ANO10: variants seen among roughly 807,000 people sequenced by gnomAD.
The protein encoded by ANO10 is anoctamin 10, also known as anoctamin-10.
ANO10 carries 77 observed loss-of-function variants against 74.7 expected under a neutral mutation model. That is an observed-to-expected ratio of 1.03 (90% confidence interval 0.86 to 1.25). ANO10 has a LOEUF of 1.25. ANO10 is among the 50% of genes most tolerant of loss of function. The pLI, the probability that ANO10 is intolerant of heterozygous loss-of-function variation, is 0.00. For missense variants in ANO10, 721 were observed against 778.1 expected (o/e 0.93, Z 0.87); for synonymous variants, 279 against 284.9 (o/e 0.98, Z 0.21).
rs140063593 is a variant in ANO10 at position 43,507,144 on chromosome 3, T to A, written c.1797+42576A>T. Among the ~76,000 whole-genome samples, 715 of 152,294 alleles carry A rather than the reference T, an allele frequency of 4.7e-3. 5 individuals are homozygous for A. The highest frequency in any genetic ancestry group is 0.017 in the African/African-American group (687 of 41,560). The stretch of plus-strand genomic sequence containing the variant: ...TTTGTTAGCAGGTTTGGTATCATTA[T>A]CTTTTTATCTACCCAAGAGTTGATA... On this transcript the variant is annotated intron_variant, in intron 11 of 12. Transcript: ENST00000292246.
chr3:43,638,042 A>G (rs1367716087), intron 1 of ANO10, among the ~76,000 whole-genome samples: 1 of 152,206 alleles, frequency 6.6e-6, no homozygotes, highest in Non-Finnish European at 1.5e-5. Flanking sequence ...AAATTGAGAT[A>G]CGTCGTTTAA....
At chr3:43,427,999 A>G (rs2092922923) in intron 12 of ANO10, among the ~76,000 whole-genome samples, 1 of 151,900 alleles carries the variant, frequency 6.6e-6, no homozygotes, top group Admixed American at 6.6e-5. Context: ...AGTCAGCAAA[A>G]GAGAGTGAGA....
chr3:43,646,828 A>G (rs1181101868), intron 1 of ANO10, among the ~76,000 whole-genome samples: 2 of 152,018 alleles, frequency 1.3e-5, no homozygotes, highest in Non-Finnish European at 2.9e-5. Flanking sequence ...CTTTACATAG[A>G]CTCATATGAC....
intron 12 of ANO10, among the ~76,000 whole-genome samples, chr3:43,431,392 T>C (rs2092978382): frequency 6.6e-6 from 1 of 151,870 alleles, no homozygotes; most frequent in Non-Finnish European, 1.5e-5. Flanking sequence ...GATTTTCAAG[T>C]AATGATAATC....
chr3:43,479,271 C>T (rs138899309), intron 11 of ANO10, among the ~76,000 whole-genome samples: 4 of 152,252 alleles, frequency 2.6e-5, no homozygotes, highest in African/African-American at 9.6e-5. Flanking sequence ...TCCCTGTTAT[C>T]CCAGATGTTC....
At chr3:43,539,951 T>C (rs982152662) in intron 11 of ANO10, among the ~76,000 whole-genome samples, 1 of 152,180 alleles carries the variant, frequency 6.6e-6, no homozygotes, top group African/African-American at 2.4e-5. Context: ...CCTTAAAAAA[T>C]TGCAATGTAA....
At chr3:43,467,875 GACAATTAAAAGAAAAT>G (rs1308391179) in intron 11 of ANO10, among the ~76,000 whole-genome samples, 2 of 152,130 alleles carry the variant, frequency 1.3e-5, no homozygotes, top group Non-Finnish European at 2.9e-5. Context: ...AAATTGTAAA[GACAATTAAAAGAAAAT>G]ACAAACGAAT....
chr3:43,677,970 C>T (rs1559398046), intron 1 of ANO10, among the ~76,000 whole-genome samples: 1 of 152,184 alleles, frequency 6.6e-6, no homozygotes, highest in Non-Finnish European at 1.5e-5. Context: ...ACATGAGGGG[C>T]CCTGAGGGGC....
At position 43,434,358 on chromosome 3, in the gene ANO10, T is replaced by A. The variant is rs114280452; in HGVS notation, c.1798-1631A>T. 6.9e-3 allele frequency among the ~76,000 whole-genome samples: 1,058 copies of A among 152,332 alleles called. 12 individuals carry two copies. Among genetic ancestry groups the A allele is most frequent in the African/African-American group, 0.024 (988 of 41,574 alleles). On this transcript the variant is annotated intron_variant, in intron 11 of 12. Coordinates refer to ENST00000292246, the MANE Select transcript of ANO10 (RefSeq NM_018075.5). ...CTAACTGAATTAATAAAAACCTGGA[T>A]ATAATCTCCAAAGAATACATGAATA...
At chr3:43,381,078 C>T (rs771412664) in intron 12 of ANO10, among the ~76,000 whole-genome samples, 2 of 152,084 alleles carry the variant, frequency 1.3e-5, no homozygotes, top group African/African-American at 2.4e-5. Flanking sequence ...AGAACTCACC[C>T]GCCACCATGA....
chr3:43,450,434 G>C (rs977772301), intron 11 of ANO10, among the ~76,000 whole-genome samples: 2 of 152,066 alleles, frequency 1.3e-5, no homozygotes, highest in South Asian at 4.1e-4. Flanking sequence ...CCAGCTACTC[G>C]GGACGCTGAG....
intron 9 of ANO10, among the ~76,000 whole-genome samples, chr3:43,560,252 A>G (rs1487361508): frequency 6.6e-6 from 1 of 152,188 alleles, no homozygotes; most frequent in Non-Finnish European, 1.5e-5. Flanking sequence ...CCACCACAAG[A>G]TGGGAGCTCT....
At chr3:43,651,235 C>T (rs527362114) in intron 1 of ANO10, among the ~76,000 whole-genome samples, 10 of 150,730 alleles carry the variant, frequency 6.6e-5, no homozygotes, top group Non-Finnish European at 1.5e-4. Flanking sequence ...TAAATATCTA[C>T]TGTGTGTCCT....
At chr3:43,653,573 C>T (rs1477861713) in intron 1 of ANO10, among the ~76,000 whole-genome samples, 1 of 151,808 alleles carries the variant, frequency 6.6e-6, no homozygotes, top group Non-Finnish European at 1.5e-5. Context: ...GAATTATATC[C>T]CAACAAATAA....
chr3:43,535,548 A>G (rs1286619054), intron 11 of ANO10, among the ~76,000 whole-genome samples: 1 of 152,160 alleles, frequency 6.6e-6, no homozygotes, highest in Non-Finnish European at 1.5e-5. Context: ...TGCTGGGATT[A>G]CAGACATGAG....
At chr3:43,462,381 C>A (rs1160032843) in intron 11 of ANO10, among the ~76,000 whole-genome samples, 1 of 152,120 alleles carries the variant, frequency 6.6e-6, no homozygotes, top group African/African-American at 2.4e-5. Flanking sequence ...AGGCACCCAC[C>A]ACCACACCTG....
intron 11 of ANO10, among the ~76,000 whole-genome samples, chr3:43,494,485 A>G (rs2076844773): frequency 6.6e-6 from 1 of 152,114 alleles, no homozygotes; most frequent in Non-Finnish European, 1.5e-5. Flanking sequence ...ATAAATAAAT[A>G]AATAGTATGA....
chr3:43,620,329 C>T (rs922056410), intron 1 of ANO10, among the ~76,000 whole-genome samples: 13 of 151,850 alleles, frequency 8.6e-5, no homozygotes, highest in African/African-American at 3.1e-4. Context: ...AATATTACCC[C>T]AATTAGGTAA....
At chr3:43,551,484 CA>C (rs1454592394) in intron 10 of ANO10, 1 of 456,814 alleles carries the variant, frequency 2.2e-6, no homozygotes, top group Non-Finnish European at 4.4e-6. Flanking sequence ...GTGAAACCAC[CA>C]CCACCACAAA....
Sources: gnomAD v4.1 joint callset for allele counts (sites outside exome capture counted in the v4.1 genomes callset) on GRCh38, gnomAD v4.1.1 for gene constraint, MANE v1.5 for transcripts, NCBI Gene and HGNC (gene_info 2026-07-23, HGNC 2026-07-21) for gene names.